KIF18B: variants seen among roughly 807,000 people sequenced by gnomAD.
KIF18B encodes the protein kinesin-like protein KIF18B.
Under a neutral mutation model 80.9 loss-of-function variants are expected in KIF18B, and 49 were observed. The ratio of observed to expected loss-of-function variants is 0.61; its 90% CI spans 0.48 to 0.77. The LOEUF (loss-of-function observed/expected upper bound fraction) is 0.77, where lower values mean the gene tolerates loss of function less well. KIF18B is among the 30% of genes least tolerant of loss of function. The pLI is 0.00. For missense variants in KIF18B, 994 were observed against 1,127.7 expected, an observed-to-expected ratio of 0.88 and a Z score of 1.70; for synonymous variants, 439 against 463.9, an observed-to-expected ratio of 0.95 and a Z score of 0.69.
rs1028354566 is a variant in KIF18B, at chr17:44,936,024, G to A, written c.313+8C>T. 3.1e-6 allele frequency: 5 copies of A among 1,612,836 alleles called. No homozygotes were observed. The highest frequency in any genetic ancestry group is 1.7e-5 in the Admixed American group (1 of 59,994). On this transcript the variant is annotated splice_region_variant and intron_variant, in intron 2 of 15. Coordinates refer to ENST00000593135, the MANE Select transcript of KIF18B (RefSeq NM_001265577.2). ...CAGGCCACTGCCAGGCAGGGCTGAG[G>A]TTCTCACCTGAGCAGTTGTAGCCCT...
intron 1 of KIF18B, among the ~76,000 whole-genome samples, chr17:44,937,342 T>G (rs772674806): frequency 6.6e-6 from 1 of 152,220 alleles, no homozygotes; most frequent in African/African-American, 2.4e-5. Context: ...ACATAAGCCT[T>G]TAGCAGCCAA....
intron 11 of KIF18B, among the ~76,000 whole-genome samples, 176 bp downstream of exon 11, chr17:44,931,426 G>A (rs1233449803): frequency 1.3e-5 from 2 of 152,212 alleles, no homozygotes; most frequent in Admixed American, 1.3e-4. Flanking sequence ...AATACATAGA[G>A]GTGATAAGTT....
chr17:44,941,633 C>G (rs1393468093), intron 1 of KIF18B, among the ~76,000 whole-genome samples: 1 of 152,168 alleles, frequency 6.6e-6, no homozygotes, highest in African/African-American at 2.4e-5. Flanking sequence ...GCCACTGCAC[C>G]CAGCTGTACC....
chr17:44,938,206 G>T (rs930837771), intron 1 of KIF18B, among the ~76,000 whole-genome samples: 5 of 152,156 alleles, frequency 3.3e-5, no homozygotes, highest in Non-Finnish European at 7.3e-5. Context: ...AGTAGAGACG[G>T]GGTTTTGCCA....
In KIF18B at chr17:44,928,438, G is replaced by A. The variant is rs779155006; in HGVS notation, c.1864C>T (p.Arg622Ter). 3.2e-6 allele frequency: 5 copies of A among 1,538,930 alleles called. No homozygotes were observed. Among genetic ancestry groups the A allele is most frequent in the East Asian group, 2.4e-5 (1 of 40,992 alleles). Residue 622 changes from arginine to a stop codon, truncating the protein, a stop_gained, in exon 13 of 16, where the codon CGA becomes TGA. Coordinates refer to ENST00000593135, the MANE Select transcript of KIF18B (RefSeq NM_001265577.2). LOFTEE classifies it high-confidence loss of function. ...GPNCTPAQGS[R>*]WPMEKKRRRP... ...CTCCTCTTCTTCTCCATGGGCCATC[G>A]GGACCCCTGGGCTGGGGTGCAGTTG...
Position 44,932,736 on chromosome 17 carries a change from C to T in KIF18B, c.1175G>A (p.Gly392Glu). 6.2e-7 allele frequency: 1 copy of T among 1,613,332 alleles called. No homozygotes were observed. ...ALRKKLQVYE[G>E]GGQPPPQDLP... ...GTCCTGTGGTGGGGGCTGGCCTCCCCCCTCATACACTTGGAGCTTCTTCCT... is the reference window on the plus strand; with the variant it reads ...GTCCTGTGGTGGGGGCTGGCCTCCCTCCTCATACACTTGGAGCTTCTTCCT... Residue 392 changes from glycine (G) to glutamate (E), a missense_variant, in exon 9 of 16, where the codon GGG becomes GAG. By Grantham distance (98) the Gly-to-Glu change is moderately conservative. Coordinates refer to ENST00000593135, the MANE Select transcript of KIF18B (RefSeq NM_001265577.2).
intron 1 of KIF18B, among the ~76,000 whole-genome samples, chr17:44,938,524 G>T (rs1187609455): frequency 6.6e-6 from 1 of 151,946 alleles, no homozygotes; most frequent in Non-Finnish European, 1.5e-5. Context: ...TCTTCTCCAA[G>T]GTAATAAATC....
Position 44,926,113 on chromosome 17 carries a change from G to C in KIF18B, c.2526C>G (p.Leu842=). Reference sequence around the variant, plus strand: ...CCTTGGTGACGCCGTTCCCTGCTGAGAGTGCTCTCCCCACCCTGATGAGGT... The same window carrying C: ...CCTTGGTGACGCCGTTCCCTGCTGACAGTGCTCTCCCCACCCTGATGAGGT... ...GKDLIRVGRA[L]SAGNGVTKVS Residue 842 remains leucine, a synonymous_variant, in exon 16 of 16, where the codon CTC becomes CTG. Transcript: ENST00000593135. 6.2e-7 allele frequency: 1 copy of C among 1,613,908 alleles called. No individual in the cohort carries two copies. Among genetic ancestry groups the C allele is most frequent in the Non-Finnish European group, 8.5e-7 (1 of 1,179,888 alleles).
At chr17:44,929,474 T>A (rs2066107063) in intron 11 of KIF18B, among the ~76,000 whole-genome samples, 1 of 152,016 alleles carries the variant, frequency 6.6e-6, no homozygotes, top group South Asian at 2.1e-4. Flanking sequence ...CCCACTCACA[T>A]CCTGGCTCCA....
chr17:44,942,956 T>G (rs1314190623), intron 1 of KIF18B, among the ~76,000 whole-genome samples: 2 of 152,194 alleles, frequency 1.3e-5, no homozygotes, highest in African/African-American at 4.8e-5. Flanking sequence ...CCAGGGGCAC[T>G]ACCCCATCCT....
intron 1 of KIF18B, among the ~76,000 whole-genome samples, chr17:44,946,224 CTTCTA>C (rs2052510689): frequency 6.6e-6 from 1 of 151,984 alleles, no homozygotes; most frequent in Non-Finnish European, 1.5e-5. Flanking sequence ...CTTTTTTTAA[CTTCTA>C]TTTTATTTTT....
intron 1 of KIF18B, among the ~76,000 whole-genome samples, chr17:44,947,207 G>C (rs1000959686): frequency 1.3e-5 from 2 of 151,876 alleles, no homozygotes; most frequent in African/African-American, 4.8e-5. Flanking sequence ...ATGGGTGGAG[G>C]GGGGCTTACA....
rs57955845 is a variant in KIF18B at position 44,947,113 on chromosome 17, CAAAAAAA to C, written c.-15+508_-15+514del. ...GACAGAGAGAGAGAGACTCCATCTC[CAAAAAAA>C]AAAAAAAAAAAAAAAAAAAAAATTT... On this transcript the variant is annotated intron_variant, in intron 1 of 15. Transcript: ENST00000593135. Among the ~76,000 whole-genome samples, 114 of 54,002 alleles carry C rather than the reference CAAAAAAA, an allele frequency of 2.1e-3. 2 individuals carry two copies. The highest frequency in any genetic ancestry group is 6.0e-3 in the African/African-American group (93 of 15,382). The allele number at this position is 54,002 out of a possible 152,430, so 35.4% of individuals were successfully genotyped here.
chr17:44,935,361 C>T lies in KIF18B; in HGVS notation c.369G>A (p.Glu123=). ...AGKTHTMLGR[E]GDPGIMYLTT... ...TCAGGTACATGATGCCGGGGTCCCC[C>T]TCCCTTCCCAGCATGGTGTGTGTCT... Residue 123 remains glutamate, a synonymous_variant, in exon 3 of 16, where the codon GAG becomes GAA. Transcript: ENST00000593135. 6.2e-7 allele frequency: 1 copy of T among 1,613,350 alleles called. No individual in the cohort carries two copies. Among genetic ancestry groups the T allele is most frequent in the African/African-American group, 1.3e-5 (1 of 75,014 alleles).
intron 1 of KIF18B, among the ~76,000 whole-genome samples, chr17:44,939,027 A>G (rs2052364063): frequency 7.1e-6 from 1 of 141,484 alleles, no homozygotes; most frequent in Non-Finnish European, 1.5e-5. Context: ...CTGGGCAACA[A>G]GAGTGAAACT....
intron 10 of KIF18B, 50 bp from the exon 11 acceptor site, chr17:44,931,779 A>G: frequency 6.3e-7 from 1 of 1,597,144 alleles, no homozygotes; most frequent in Non-Finnish European, 8.5e-7. Flanking sequence ...TGGCCTCCTC[A>G]TCTTTATAAA....
intron 1 of KIF18B, among the ~76,000 whole-genome samples, chr17:44,945,697 G>A (rs2145756075): frequency 6.6e-6 from 1 of 152,072 alleles, no homozygotes; most frequent in Non-Finnish European, 1.5e-5. Flanking sequence ...CTGACGTCAG[G>A]AGTTTGAGAC....
In KIF18B at chr17:44,928,956, G is replaced by A. The variant is rs751690765; in HGVS notation, c.1586C>T (p.Thr529Met). ...CTCAAACTCTGTGATCATGTCGGGCGTCAGGAGGTTGGCTGCTTGGAGCAG... is the reference window on the plus strand; with the variant it reads ...CTCAAACTCTGTGATCATGTCGGGCATCAGGAGGTTGGCTGCTTGGAGCAG... ...YSLLQAANLL[T>M]PDMITEFETL... Residue 529 changes from threonine (T) to methionine (M), a missense_variant, in exon 12 of 16, where the codon ACG becomes ATG. Physicochemically the swap from Thr to Met is moderately conservative, Grantham distance 81. Coordinates refer to ENST00000593135, the MANE Select transcript of KIF18B (RefSeq NM_001265577.2). 5.6e-6 allele frequency: 9 copies of A among 1,614,012 alleles called. No homozygotes were observed. Among genetic ancestry groups the A allele is most frequent in the Non-Finnish European group, 7.6e-6 (9 of 1,179,892 alleles).
intron 1 of KIF18B, among the ~76,000 whole-genome samples, chr17:44,943,793 G>A (rs753517847): frequency 6.6e-6 from 1 of 152,062 alleles, no homozygotes; most frequent in African/African-American, 2.4e-5. Flanking sequence ...CAGCAGCCTC[G>A]AACTCCTGGG....
Sources: allele counts gnomAD v4.1 joint callset (sites outside exome capture counted in the v4.1 genomes callset), GRCh38; gene constraint gnomAD v4.1.1; transcripts MANE v1.5; gene names NCBI Gene and HGNC (gene_info 2026-07-23, HGNC 2026-07-21).